The following CHIC1 variants were observed in gnomAD, a reference collection of about 807,000 sequenced individuals.
The protein encoded by CHIC1 is cysteine rich hydrophobic domain 1, also known as cysteine-rich hydrophobic domain-containing protein 1.
CHIC1 carries 7 observed loss-of-function variants against 18.5 expected under a neutral mutation model. That is an observed-to-expected ratio of 0.38 (90% CI 0.22 to 0.71). The LOEUF is 0.71. Ranked by LOEUF, CHIC1 falls within the 30% of genes least tolerant of loss-of-function variation. CHIC1 has a pLI of 0.49. For synonymous variants in CHIC1, 77 were observed against 73.5 expected (o/e 1.05, Z -0.25); for missense variants, 159 against 176.9 (o/e 0.90, Z 0.57).
intron 3 of CHIC1, among the ~76,000 whole-genome samples, chrX:73,673,427 G>T (rs2058042830): frequency 9.0e-6 from 1 of 111,593 alleles, no homozygotes; most frequent in Non-Finnish European, 1.9e-5. Context: ...ATTTCATTGA[G>T]CAGTGGTTTA....
rs1424690018 is a variant in CHIC1, at chrX:73,684,670, A to T, written c.*3665A>T. The T allele has an allele frequency of 9.0e-6, 1 of 111,537 alleles. No homozygotes were observed. The highest frequency in any genetic ancestry group is 9.6e-5 in the Admixed American group (1 of 10,447). 9.2% of individuals were successfully genotyped at this position (111,537 alleles called of 1,213,427 possible). A position where few individuals can be genotyped will look rare whatever the true frequency, so the allele number is the denominator to read the frequency against. ...TCAAATTTATTGAAATTAGATTCTC[A>T]TGCCTATAAAAGTATACTTTAAAAA... On this transcript the variant is annotated 3_prime_UTR_variant, in exon 6 of 6. Transcript: ENST00000373502.
In CHIC1 at chrX:73,678,935, T is replaced by G. The variant is rs747038995; in HGVS notation, c.508-391T>G. Among the ~76,000 whole-genome samples the G allele has an allele frequency of 8.9e-5, 10 of 112,079 alleles. No homozygotes were observed. In the South Asian group the frequency reaches 3.7e-3, roughly 41 times the overall value. On this transcript the variant is annotated intron_variant, in intron 3 of 5. Transcript: ENST00000373502. ...TTAGATTAGCTTGGCATTAGATGAT[T>G]ATTTAAAGTAATCCTAAGACAGTTA...
chrX:73,566,194 C>T (rs759797397), intron 1 of CHIC1, among the ~76,000 whole-genome samples: 1 of 109,772 alleles, frequency 9.1e-6, no homozygotes, highest in African/African-American at 3.3e-5. Context: ...TGGCACCACT[C>T]TAGTTTGGGT....
chrX:73,610,694 G>A (rs1299471942), intron 3 of CHIC1, among the ~76,000 whole-genome samples: 1 of 108,667 alleles, frequency 9.2e-6, no homozygotes, highest in African/African-American at 3.6e-5. Flanking sequence ...CACCTGTGAA[G>A]CAATCCATTC....
rs2058105799 is a variant in CHIC1 at position 73,683,100 on chromosome X, G to A, written c.*2095G>A. 1 of 110,743 alleles carries A rather than the reference G, an allele frequency of 9.0e-6. No homozygotes were observed. The highest frequency in any genetic ancestry group is 3.3e-5 in the African/African-American group (1 of 30,581). The allele number at this position is 110,743 out of a possible 1,213,427, so 9.1% of individuals were successfully genotyped here. A position where few individuals can be genotyped will look rare whatever the true frequency, so the allele number is the denominator to read the frequency against. On this transcript the variant is annotated 3_prime_UTR_variant, in exon 6 of 6. Coordinates refer to ENST00000373502, the MANE Select transcript of CHIC1 (RefSeq NM_001039840.4). ...TAAATCACACTTGGTTTTGCTCAAA[G>A]AACAGCATGAAGTGGTGAATTGTTT... is the stretch of plus-strand genomic sequence containing the variant.
intron 3 of CHIC1, among the ~76,000 whole-genome samples, chrX:73,678,700 C>G (rs2058083742): frequency 8.9e-6 from 1 of 112,372 alleles, no homozygotes; most frequent in African/African-American, 3.2e-5. Context: ...TGAAGAAACT[C>G]AGTCTCTGTC....
chrX:73,617,760 A>T (rs1362583612), intron 3 of CHIC1, among the ~76,000 whole-genome samples: 1 of 111,830 alleles, frequency 8.9e-6, no homozygotes, highest in Non-Finnish European at 1.9e-5. Context: ...CTCTCACCAC[A>T]TACCTCCCAC....
intron 3 of CHIC1, among the ~76,000 whole-genome samples, chrX:73,631,067 T>C (rs747548304): frequency 9.7e-4 from 109 of 111,908 alleles, no homozygotes; most frequent in African/African-American, 3.3e-3. Flanking sequence ...TCTGACCTAT[T>C]GTATTTCTCT....
chrX:73,655,411 T>C (rs2057938090), intron 3 of CHIC1, among the ~76,000 whole-genome samples: 1 of 97,055 alleles, frequency 1.0e-5, no homozygotes, highest in African/African-American at 3.8e-5. Context: ...ATATATACAA[T>C]ATTGTGTATA....
chrX:73,606,809 G>C (rs1482456930), intron 3 of CHIC1, among the ~76,000 whole-genome samples: 1 of 109,116 alleles, frequency 9.2e-6, no homozygotes, highest in Non-Finnish European at 1.9e-5. Flanking sequence ...CACCAGCGGA[G>C]GCTGCAGAAT....
chrX:73,639,099 C>A (rs1410459830), intron 3 of CHIC1, among the ~76,000 whole-genome samples: 1 of 111,910 alleles, frequency 8.9e-6, no homozygotes, highest in African/African-American at 3.2e-5. Context: ...GAGGAATCAC[C>A]ACACCATTTT....
At chrX:73,616,285 C>G (rs1252837602) in intron 3 of CHIC1, among the ~76,000 whole-genome samples, 1 of 111,608 alleles carries the variant, frequency 9.0e-6, no homozygotes, top group African/African-American at 3.3e-5. Flanking sequence ...TTGCAGTAGT[C>G]TGCAGTGGGA....
intron 3 of CHIC1, among the ~76,000 whole-genome samples, chrX:73,599,146 G>A (rs774089043): frequency 6.1e-4 from 68 of 110,638 alleles, no homozygotes; most frequent in African/African-American, 2.2e-3. Flanking sequence ...AGAAGTGTCT[G>A]TTCATGTCCT....
At chrX:73,673,005 C>T (rs1306091584) in intron 3 of CHIC1, among the ~76,000 whole-genome samples, 1 of 111,880 alleles carries the variant, frequency 8.9e-6, no homozygotes, top group Non-Finnish European at 1.9e-5. Flanking sequence ...TTTCCCAGCA[C>T]CATTTATTAA....
At chrX:73,642,309 A>G (rs2057861239) in intron 3 of CHIC1, among the ~76,000 whole-genome samples, 1 of 111,154 alleles carries the variant, frequency 9.0e-6, no homozygotes, top group South Asian at 3.8e-4. Flanking sequence ...TGGCTGCATA[A>G]ATGTCTTCTT....
intron 3 of CHIC1, among the ~76,000 whole-genome samples, chrX:73,588,600 C>T (rs1431568063): frequency 1.5e-4 from 17 of 110,783 alleles, no homozygotes; most frequent in Admixed American, 3.8e-4. Context: ...AAAAGTGTTT[C>T]CCTCTTTTCT....
chrX:73,594,329 C>G (rs747785298), intron 3 of CHIC1, among the ~76,000 whole-genome samples: 9 of 110,622 alleles, frequency 8.1e-5, no homozygotes, highest in Non-Finnish European at 1.1e-4. Flanking sequence ...TGCTATCATG[C>G]CCGGCTAATT....
At position 73,681,613 on chromosome X, in the gene CHIC1, A is replaced by C. The variant is rs1435785988; in HGVS notation, c.*608A>C. The stretch of plus-strand genomic sequence containing the variant: ...AATGTGGTATGCCATGGTTTACATA[A>C]TGTAACATTACTCTTATTGTATTGC... On this transcript the variant is annotated 3_prime_UTR_variant, in exon 6 of 6. Coordinates refer to ENST00000373502, the MANE Select transcript of CHIC1 (RefSeq NM_001039840.4). 8.9e-6 allele frequency: 1 copy of C among 112,374 alleles called. No homozygotes were observed. Among genetic ancestry groups the C allele is most frequent in the Non-Finnish European group, 1.9e-5 (1 of 52,962 alleles). 9.3% of individuals were successfully genotyped at this position (112,374 alleles called of 1,213,427 possible).
At chrX:73,656,522 C>G (rs746424823) in intron 3 of CHIC1, among the ~76,000 whole-genome samples, 1 of 111,732 alleles carries the variant, frequency 8.9e-6, no homozygotes, top group East Asian at 2.8e-4. Context: ...TTGCATATGG[C>G]TAGCCAGTTC....
Sources: allele counts gnomAD v4.1 joint callset (sites outside exome capture counted in the v4.1 genomes callset), GRCh38; gene constraint gnomAD v4.1.1; transcripts MANE v1.5; gene names NCBI Gene and HGNC (gene_info 2026-07-23, HGNC 2026-07-21).